LRP1B: variants seen among roughly 807,000 people sequenced by gnomAD.
LRP1B encodes the protein low-density lipoprotein receptor-related protein 1B.
Under a neutral mutation model 556.6 loss-of-function variants are expected in LRP1B, and 217 were observed. The ratio of observed to expected loss-of-function variants is 0.39; its 90% confidence interval spans 0.35 to 0.44. LRP1B has a LOEUF of 0.44. LRP1B is among the 20% of genes least tolerant of loss of function. The pLI is 1.00. For synonymous variants in LRP1B, 2,047 were observed against 1,865.8 expected (o/e 1.10, Z -2.50); for missense variants, 5,053 against 5,620.8 (o/e 0.90, Z 3.23).
At chr2:141,652,896 C>T (rs1689853554) in intron 2 of LRP1B, among the ~76,000 whole-genome samples, 1 of 152,150 alleles carries the variant, frequency 6.6e-6, no homozygotes, top group Non-Finnish European at 1.5e-5. Context: ...AGTTGGCTTC[C>T]TGTGATTCCT....
At chr2:141,304,769 G>A (rs2105437108) in intron 3 of LRP1B, among the ~76,000 whole-genome samples, 1 of 152,060 alleles carries the variant, frequency 6.6e-6, no homozygotes, top group African/African-American at 2.4e-5. Flanking sequence ...CCAAAGTTCT[G>A]GGATGACAGG....
intron 2 of LRP1B, among the ~76,000 whole-genome samples, chr2:141,514,829 A>G: frequency 6.7e-6 from 1 of 148,154 alleles, no homozygotes. Flanking sequence ...TTAACTGGAT[A>G]CTATCCTGAA....
intron 3 of LRP1B, among the ~76,000 whole-genome samples, chr2:141,286,490 A>G (rs966014721): frequency 8.5e-5 from 13 of 152,094 alleles, no homozygotes; most frequent in Admixed American, 7.2e-4. Flanking sequence ...ATGAATTGGG[A>G]TATATTTTCT....
intron 84 of LRP1B, among the ~76,000 whole-genome samples, chr2:140,280,384 AAG>A (rs1286369574): frequency 6.6e-6 from 1 of 151,796 alleles, no homozygotes; most frequent in African/African-American, 2.4e-5. Context: ...CAAGATAGAA[AAG>A]AGTGGTTGAA....
intron 20 of LRP1B, among the ~76,000 whole-genome samples, chr2:140,943,205 T>A (rs965720190): frequency 2.6e-5 from 4 of 152,056 alleles, no homozygotes; most frequent in Non-Finnish European, 4.4e-5. Context: ...TACATAATGA[T>A]AAAGGGTTCA....
chr2:140,532,518 T>A (rs2104988863), intron 47 of LRP1B, among the ~76,000 whole-genome samples: 1 of 152,176 alleles, frequency 6.6e-6, no homozygotes, highest in South Asian at 2.1e-4. Flanking sequence ...TGCCTCAGCA[T>A]CCCGAGTAGC....
chr2:142,015,732 G>C (rs563124890), intron 1 of LRP1B, among the ~76,000 whole-genome samples: 1 of 151,890 alleles, frequency 6.6e-6, no homozygotes, highest in Non-Finnish European at 1.5e-5. Flanking sequence ...AGTGGCTCAC[G>C]TCTGTAATCC....
At chr2:141,156,314 C>G (rs1007410356) in intron 7 of LRP1B, among the ~76,000 whole-genome samples, 4 of 152,082 alleles carry the variant, frequency 2.6e-5, no homozygotes, top group African/African-American at 7.2e-5. Context: ...CCTCCCTGTT[C>G]TGTCAATACA....
chr2:141,172,254 G>A (rs546584853), intron 7 of LRP1B, among the ~76,000 whole-genome samples: 2 of 152,168 alleles, frequency 1.3e-5, no homozygotes, highest in Admixed American at 1.3e-4. Flanking sequence ...GATGCTCCAT[G>A]TAGTATTGCA....
At chr2:141,243,778 A>G (rs1264798628) in intron 5 of LRP1B, among the ~76,000 whole-genome samples, 1 of 152,168 alleles carries the variant, frequency 6.6e-6, no homozygotes, top group African/African-American at 2.4e-5. Flanking sequence ...TTAGTCAGAG[A>G]CAATCTTACT....
intron 1 of LRP1B, among the ~76,000 whole-genome samples, chr2:141,982,558 G>A (rs1702071977): frequency 6.6e-6 from 1 of 152,094 alleles, no homozygotes; most frequent in Admixed American, 6.5e-5. Context: ...AACTAATTTT[G>A]CTCTATCTCT....
At chr2:140,996,904 A>G (rs1395495337) in intron 15 of LRP1B, among the ~76,000 whole-genome samples, 1 of 152,036 alleles carries the variant, frequency 6.6e-6, no homozygotes, top group Non-Finnish European at 1.5e-5. Context: ...GTTCCAGTGC[A>G]TAATGTGACT....
At chr2:140,991,313 G>T (rs1274562182) in intron 16 of LRP1B, among the ~76,000 whole-genome samples, 1 of 152,116 alleles carries the variant, frequency 6.6e-6, no homozygotes, top group Non-Finnish European at 1.5e-5. Context: ...AAACACTGAA[G>T]GAATAGAAAG....
At chr2:140,316,310 G>A (rs1421372348) in intron 82 of LRP1B, among the ~76,000 whole-genome samples, 1 of 152,018 alleles carries the variant, frequency 6.6e-6, no homozygotes, top group African/African-American at 2.4e-5. Flanking sequence ...AGATGCACTG[G>A]CACATACATG....
In LRP1B at chr2:140,867,637, G is replaced by A. The variant is rs767793763; in HGVS notation, c.4532C>T (p.Ala1511Val). The change falls in exon 27 of 91, where the codon GCA (alanine) becomes GTA (valine). Residue 1511 changes from alanine (A) to valine (V), a missense_variant. Physicochemically the swap from Ala to Val is moderately conservative, Grantham distance 64. This residue lies in a region of LRP1B where 3,619 missense variants were observed against 3,931.9 expected (regional missense o/e 0.92). Transcript: ENST00000389484. ...GTATATCTGAAGGTCAAATGGCTGT[G>A]CACTGGTTTTCTGAATCACACTGAC... is the stretch of plus-strand genomic sequence containing the variant. Reference protein sequence around the residue: ...QNVSVIQKTSAQPFDLQIYHP... With the variant: ...QNVSVIQKTSVQPFDLQIYHP... 6 of 1,613,330 alleles carry A rather than the reference G, an allele frequency of 3.7e-6. No homozygotes were observed. The highest frequency in any genetic ancestry group is 2.5e-6 in the Non-Finnish European group (3 of 1,179,596).
chr2:140,781,765 C>T (rs1308877520), intron 32 of LRP1B, among the ~76,000 whole-genome samples: 8 of 152,166 alleles, frequency 5.3e-5, no homozygotes, highest in Admixed American at 6.5e-5. Context: ...CAAGTATAAC[C>T]GCATCCTCTG....
chr2:142,036,592 T>C (rs982536105), intron 1 of LRP1B, among the ~76,000 whole-genome samples: 25 of 151,674 alleles, frequency 1.6e-4, no homozygotes, highest in African/African-American at 6.0e-4. Context: ...TTTAGTTAAG[T>C]AATATTTTCT....
chr2:142,020,087 G>T (rs551089361), intron 1 of LRP1B, among the ~76,000 whole-genome samples: 1 of 152,198 alleles, frequency 6.6e-6, no homozygotes, highest in African/African-American at 2.4e-5. Context: ...ATTTGTGTTG[G>T]TATGGCTCAC....
At chr2:141,129,397 A>G (rs1183322554) in intron 7 of LRP1B, among the ~76,000 whole-genome samples, 1 of 152,160 alleles carries the variant, frequency 6.6e-6, no homozygotes, top group East Asian at 1.9e-4. Context: ...AAAAATTATA[A>G]AAATCTTTTG....
Sources: allele counts gnomAD v4.1 joint callset (sites outside exome capture counted in the v4.1 genomes callset), GRCh38; gene constraint gnomAD v4.1.1; regional missense constraint gnomAD v4.1.1; transcripts MANE v1.5; gene names NCBI Gene and HGNC (gene_info 2026-07-23, HGNC 2026-07-21).